Variants in POLN observed in about 807,000 individuals in gnomAD.
POLN encodes the protein DNA polymerase N.
POLN carries 108 observed loss-of-function variants against 113.5 expected under a neutral mutation model. That is an observed-to-expected ratio of 0.95 (90% CI 0.81 to 1.12). The LOEUF (loss-of-function observed/expected upper bound fraction) is 1.12. Ranked by LOEUF, POLN falls within the 50% of genes most tolerant of loss-of-function variation. POLN has a pLI of 0.00. For missense variants in POLN, 1,097 were observed against 1,077.1 expected, an observed-to-expected ratio of 1.02 and a Z score of -0.26; for synonymous variants, 386 against 391.5, an observed-to-expected ratio of 0.99 and a Z score of 0.17.
chr4:2,147,423 A>G (rs541804894), intron 16 of POLN, among the ~76,000 whole-genome samples: 4 of 152,334 alleles, frequency 2.6e-5, no homozygotes, highest in South Asian at 2.1e-4. Flanking sequence ...GATTGACAAG[A>G]TGATCCCTAA....
intron 13 of POLN, among the ~76,000 whole-genome samples, chr4:2,159,894 T>G (rs1732534838): frequency 7.1e-6 from 1 of 140,940 alleles, no homozygotes; most frequent in Non-Finnish European, 1.5e-5. Context: ...CCACCTTTGA[T>G]GGATATGTGT....
At chr4:2,134,526 T>C (rs1731804905) in intron 16 of POLN, among the ~76,000 whole-genome samples, 1 of 152,228 alleles carries the variant, frequency 6.6e-6, no homozygotes, top group African/African-American at 2.4e-5. Context: ...GGTTTTTGTT[T>C]GTTTGTTTGT....
chr4:2,208,205 C>G lies in POLN; in HGVS notation c.496G>C (p.Glu166Gln). Residue 166 changes from glutamate (E) to glutamine (Q), a missense_variant, in exon 5 of 26, where the codon GAG (glutamate) becomes CAG (glutamine). Physicochemically the swap from Glu to Gln is conservative, Grantham distance 29. Transcript: ENST00000511885. ...AATGCCATTTGTTTACTTGTTTTCT[C>G]TGACAAATTATTATATGTAATATGT... ...RKHITYNNLSEKTSKQMALEE... is the reference protein window; with the variant it reads ...RKHITYNNLSQKTSKQMALEE... 1 of 1,602,974 alleles carries G rather than the reference C, an allele frequency of 6.2e-7. No homozygotes were observed. The highest frequency in any genetic ancestry group is 8.5e-7 in the Non-Finnish European group (1 of 1,170,270).
At chr4:2,236,351 T>C (rs1288746983) in intron 2 of POLN, 2 of 1,613,032 alleles carry the variant, frequency 1.2e-6, no homozygotes, top group South Asian at 1.1e-5. Context: ...ACTGATCTTG[T>C]ACTAAAGAAA....
intron 13 of POLN, among the ~76,000 whole-genome samples, chr4:2,164,503 A>G (rs1488122320): frequency 9.4e-6 from 1 of 106,824 alleles, no homozygotes; most frequent in African/African-American, 5.4e-5. Flanking sequence ...CTCTGTCTCA[A>G]AAAAAAAAAA....
chr4:2,196,821 T>C (rs1194978991), intron 6 of POLN, among the ~76,000 whole-genome samples: 3 of 152,238 alleles, frequency 2.0e-5, no homozygotes, highest in African/African-American at 4.8e-5. Context: ...TGTGTTTTCA[T>C]AGTTTACTTT....
At chr4:2,225,603 GTTT>G (rs1231980856) in intron 3 of POLN, among the ~76,000 whole-genome samples, 1 of 148,510 alleles carries the variant, frequency 6.7e-6, no homozygotes, top group Non-Finnish European at 1.5e-5. Context: ...ACAGATTTTA[GTTT>G]TTTGTTTGTT....
intron 24 of POLN, among the ~76,000 whole-genome samples, chr4:2,074,686 T>C (rs1730234524): frequency 6.6e-6 from 1 of 151,354 alleles, no homozygotes; most frequent in African/African-American, 2.4e-5. Context: ...CACTCGAGAG[T>C]TGGTGCCTGA....
chr4:2,081,713 C>A lies in POLN; in HGVS notation c.2228G>T (p.Arg743Ile). 1 of 1,614,118 alleles carries A rather than the reference C, an allele frequency of 6.2e-7. No individual in the cohort carries two copies. The highest frequency in any genetic ancestry group is 8.5e-7 in the Non-Finnish European group (1 of 1,179,998). ...ATGAGCGTGAATCCTTGGCAGGGGTCTCCTTCTGCCCATGATGGACACCAC... is the reference window on the plus strand; with the variant it reads ...ATGAGCGTGAATCCTTGGCAGGGGTATCCTTCTGCCCATGATGGACACCAC... ...GCVVSIMGRRRPLPRIHAHDQ... is the reference protein window; with the variant it reads ...GCVVSIMGRRIPLPRIHAHDQ... Residue 743 changes from arginine to isoleucine, a missense_variant, in exon 22 of 26, where the codon AGA (arginine) becomes ATA (isoleucine). Arg to Ile is a moderately conservative substitution (Grantham distance 97). Coordinates refer to ENST00000511885, the MANE Select transcript of POLN (RefSeq NM_181808.4).
chr4:2,096,728 G>GAGAC (rs1308601004), intron 19 of POLN, among the ~76,000 whole-genome samples: 1 of 147,872 alleles, frequency 6.8e-6, no homozygotes, highest in Non-Finnish European at 1.5e-5. Flanking sequence ...GAGAGAGAGA[G>GAGAC]AGACACACAG....
At chr4:2,231,704 A>T (rs1734584689) in intron 2 of POLN, 2 of 327,744 alleles carry the variant, frequency 6.1e-6, no homozygotes, top group East Asian at 1.1e-4. Context: ...GTAAGTAAAA[A>T]ATTACCAGGA....
chr4:2,079,630 G>A (rs1730356810), intron 23 of POLN: 8 of 983,626 alleles, frequency 8.1e-6, no homozygotes, highest in East Asian at 2.3e-4. Context: ...TCTCACCCAG[G>A]CTGGAGTGCA....
chr4:2,208,442 G>C lies in POLN; in HGVS notation c.259C>G (p.Leu87Val). ...CTGACACTGAAGGACTGAGGAGACAGCTTGGCAGAACCTCTTGATGTCTGA... is the reference window on the plus strand; with the variant it reads ...CTGACACTGAAGGACTGAGGAGACACCTTGGCAGAACCTCTTGATGTCTGA... ...RSQTSRGSAK[L>V]SPQSFSVRLT... Residue 87 changes from leucine to valine, a missense_variant, in exon 5 of 26, where the codon CTG (leucine) becomes GTG (valine). Physicochemically the swap from Leu to Val is conservative, Grantham distance 32. Coordinates refer to ENST00000511885, the MANE Select transcript of POLN (RefSeq NM_181808.4). The C allele has an allele frequency of 6.3e-7, 1 of 1,579,536 alleles. No homozygotes were observed. Among genetic ancestry groups the C allele is most frequent in the Non-Finnish European group, 8.6e-7 (1 of 1,169,206 alleles).
intron 20 of POLN, among the ~76,000 whole-genome samples, chr4:2,086,537 A>T (rs1730554891): frequency 6.6e-6 from 1 of 152,172 alleles, no homozygotes; most frequent in Non-Finnish European, 1.5e-5. Context: ...GAGCTAAGGC[A>T]TGGGAAGTTC....
chr4:2,223,340 C>G (rs1303555029), intron 3 of POLN, among the ~76,000 whole-genome samples: 1 of 152,158 alleles, frequency 6.6e-6, no homozygotes, highest in African/African-American at 2.4e-5. Context: ...AGTGAGCATT[C>G]CCACCTGAGT....
At chr4:2,186,713 A>G (rs2108754028) in intron 7 of POLN, among the ~76,000 whole-genome samples, 1 of 152,362 alleles carries the variant, frequency 6.6e-6, no homozygotes, top group South Asian at 2.1e-4. Flanking sequence ...AAATAGACGT[A>G]CATTCACAAG....
chr4:2,152,561 A>G (rs1732322629), intron 16 of POLN, among the ~76,000 whole-genome samples: 1 of 151,922 alleles, frequency 6.6e-6, no homozygotes, highest in Non-Finnish European at 1.5e-5. Flanking sequence ...CTGATTTTTA[A>G]AAATATTAGT....
intron 19 of POLN, among the ~76,000 whole-genome samples, chr4:2,108,749 A>T (rs1731126759): frequency 6.6e-6 from 1 of 152,052 alleles, no homozygotes; most frequent in South Asian, 2.1e-4. Flanking sequence ...GGCTGCAGCT[A>T]ACCAGAGACA....
intron 3 of POLN, among the ~76,000 whole-genome samples, chr4:2,216,331 G>A (rs1336618424): frequency 6.6e-6 from 1 of 152,186 alleles, no homozygotes; most frequent in Non-Finnish European, 1.5e-5. Context: ...ATTTCTAAGT[G>A]GGTCACTGGG....
Sources: allele counts gnomAD v4.1 joint callset (sites outside exome capture counted in the v4.1 genomes callset), GRCh38; gene constraint gnomAD v4.1.1; transcripts MANE v1.5; gene names NCBI Gene and HGNC (gene_info 2026-07-23, HGNC 2026-07-21).